CHUK: variants seen among roughly 807,000 people sequenced by gnomAD.
CHUK encodes the protein inhibitor of nuclear factor kappa-B kinase subunit alpha.
CHUK carries 35 observed loss-of-function variants against 104.8 expected under a neutral mutation model. That is an observed-to-expected ratio of 0.33 (90% CI 0.26 to 0.44). The LOEUF (loss-of-function observed/expected upper bound fraction) is 0.44. Ranked by LOEUF, CHUK falls within the 20% of genes least tolerant of loss-of-function variation. The pLI, the probability that CHUK is intolerant of heterozygous loss-of-function variation, is 1.00. For synonymous variants in CHUK, 276 were observed against 291.9 expected (o/e 0.95, Z 0.56); for missense variants, 663 against 902.7 (o/e 0.73, Z 3.40).
chr10:100,193,439 A>C lies in CHUK; in HGVS notation c.1975-8T>G, dbSNP rs906183728. The C allele has an allele frequency of 6.2e-7, 1 of 1,614,074 alleles. No homozygotes were observed. The highest frequency in any genetic ancestry group is 8.5e-7 in the Non-Finnish European group (1 of 1,179,948). ...CCGGGCAGAACTCTGTGTCTGAAGG[A>C]AAAGAAAAAAACATCAAAAGATTAC... On this transcript the variant is annotated splice_region_variant and splice_polypyrimidine_tract_variant and intron_variant, in intron 18 of 20. Transcript: ENST00000370397.
intron 11 of CHUK, among the ~76,000 whole-genome samples, chr10:100,205,682 C>T (rs1163869627): frequency 1.3e-5 from 2 of 152,232 alleles, no homozygotes; most frequent in African/African-American, 2.4e-5. Flanking sequence ...AATCCCAGCA[C>T]TTTGGGAAGC....
At chr10:100,191,144 T>C (rs1371331282) in intron 19 of CHUK, among the ~76,000 whole-genome samples, 176 bp from the exon 20 acceptor site, 1 of 152,224 alleles carries the variant, frequency 6.6e-6, no homozygotes, top group Non-Finnish European at 1.5e-5. Context: ...GGCAGAGTCC[T>C]GTTAAGACCA....
chr10:100,217,003 G>A (rs562305990), intron 9 of CHUK, among the ~76,000 whole-genome samples: 1 of 152,260 alleles, frequency 6.6e-6, no homozygotes, highest in East Asian at 1.9e-4. Flanking sequence ...AAATTTTGTG[G>A]CAGAGACCAT....
At chr10:100,195,185 T>C (rs1157440885) in intron 16 of CHUK, 2 of 152,216 alleles carry the variant, frequency 1.3e-5, no homozygotes, top group Admixed American at 6.5e-5. Flanking sequence ...AAATCATTAA[T>C]TGTTATATTT....
chr10:100,207,938 A>C (rs1452564369), intron 10 of CHUK, among the ~76,000 whole-genome samples: 1 of 152,170 alleles, frequency 6.6e-6, no homozygotes, highest in Non-Finnish European at 1.5e-5. Context: ...TATATTGTAC[A>C]CCTTAAATGG....
chr10:100,229,065 CTT>C (rs777319007), intron 1 of CHUK, among the ~76,000 whole-genome samples: 296 of 142,864 alleles, frequency 2.1e-3, no homozygotes, highest in Non-Finnish European at 3.8e-3. Flanking sequence ...CTTCAGCCCT[CTT>C]CTCACACATT....
intron 14 of CHUK, among the ~76,000 whole-genome samples, chr10:100,201,563 T>G (rs1845462791): frequency 6.6e-6 from 1 of 152,070 alleles, no homozygotes; most frequent in South Asian, 2.1e-4. Flanking sequence ...GTCCCTATAA[T>G]ATGGAAACTA....
chr10:100,221,953 A>G (rs893042977), intron 4 of CHUK, among the ~76,000 whole-genome samples, 159 bp downstream of exon 4: 1 of 152,198 alleles, frequency 6.6e-6, no homozygotes, highest in African/African-American at 2.4e-5. Context: ...CCTAGTTTTA[A>G]TTTAGCATCA....
chr10:100,192,871 A>G (rs973328471), intron 19 of CHUK: 6 of 365,852 alleles, frequency 1.6e-5, no homozygotes, highest in Non-Finnish European at 2.3e-5. Context: ...AAGGGTAATC[A>G]AGGATCCCCA....
downstream of CHUK, chr10:100,187,588 A>G (rs1845079436): frequency 6.6e-6 from 1 of 152,224 alleles, no homozygotes; most frequent in Admixed American, 6.5e-5. Flanking sequence ...AATGTATACA[A>G]TTCACAACTG....
chr10:100,220,833 G>A (rs1457316134), intron 4 of CHUK, among the ~76,000 whole-genome samples, 157 bp from the exon 5 acceptor site: 17 of 151,440 alleles, frequency 1.1e-4, no homozygotes, highest in Admixed American at 1.1e-3. Context: ...TTTCTTCACA[G>A]AAAAAAAAGT....
chr10:100,211,944 G>C (rs1409598497), intron 9 of CHUK, among the ~76,000 whole-genome samples: 1 of 151,148 alleles, frequency 6.6e-6, no homozygotes, highest in East Asian at 1.9e-4. Context: ...GCAGTGGCAT[G>C]ATCTCTCAGC....
intron 11 of CHUK, among the ~76,000 whole-genome samples, chr10:100,205,885 G>A (rs1254364523): frequency 6.6e-6 from 1 of 152,186 alleles, no homozygotes; most frequent in Non-Finnish European, 1.5e-5. Context: ...CCAAGATTGT[G>A]CCATTGCACT....
chr10:100,212,088 G>A (rs1027293653), intron 9 of CHUK, among the ~76,000 whole-genome samples: 1 of 152,172 alleles, frequency 6.6e-6, no homozygotes, highest in South Asian at 2.1e-4. Context: ...TCTGCATGTT[G>A]CCCAGTCTGG....
chr10:100,218,124 T>C lies in CHUK; in HGVS notation c.804A>G (p.Val268=), dbSNP rs1845901376. ...LPQPNSLCSL[V]VEPMENWLQL... is the part of the protein sequence containing the mutation. ...GTAGCCAGTTTTCCATGGGTTCTAC[T>C]ACTAAACTAGAAAACATACAAAATA... The change falls in exon 9 of 21, where the codon GTA becomes GTG. Residue 268 remains valine, a synonymous_variant. Transcript: ENST00000370397. 6.2e-7 allele frequency: 1 copy of C among 1,610,450 alleles called. No homozygotes were observed. Among genetic ancestry groups the C allele is most frequent in the Admixed American group, 1.7e-5 (1 of 59,996 alleles).
downstream of CHUK, chr10:100,186,832 G>C (rs1845029224): frequency 6.6e-6 from 1 of 152,256 alleles, no homozygotes; most frequent in Non-Finnish European, 1.5e-5. Flanking sequence ...AAAGGCTAGA[G>C]GTGGAACTAT....
intron 14 of CHUK, among the ~76,000 whole-genome samples, chr10:100,201,641 GC>G (rs1174326722): frequency 1.3e-5 from 2 of 152,170 alleles, no homozygotes; most frequent in Non-Finnish European, 2.9e-5. Context: ...GATTGCTTAA[GC>G]CCAGGAGTTT....
chr10:100,207,170 G>A (rs772728742), intron 11 of CHUK, 60 bp downstream of exon 11: 4 of 829,998 alleles, frequency 4.8e-6, no homozygotes, highest in East Asian at 2.4e-5. Flanking sequence ...TAATCATACT[G>A]AGAGTCAAAG....
intron 16 of CHUK, 91 bp from the exon 17 acceptor site, chr10:100,194,612 G>A: frequency 5.4e-6 from 4 of 746,872 alleles, no homozygotes; most frequent in Non-Finnish European, 9.3e-6. Flanking sequence ...CTGAAACTCT[G>A]AAACTAATTT....
Sources: allele counts gnomAD v4.1 joint callset (sites outside exome capture counted in the v4.1 genomes callset), GRCh38; gene constraint gnomAD v4.1.1; transcripts MANE v1.5; gene names NCBI Gene and HGNC (gene_info 2026-07-23, HGNC 2026-07-21).